The following SLC35D1 variants were observed in gnomAD, a reference collection of about 807,000 sequenced individuals.
SLC35D1 encodes nucleotide sugar transporter SLC35D1.
In SLC35D1, 31 loss-of-function variants were observed where a neutral mutation model predicts 46.7. The ratio of observed to expected loss-of-function variants is 0.66; its 90% CI spans 0.50 to 0.90. The LOEUF is 0.90. Ranked by LOEUF, SLC35D1 falls within the 40% of genes least tolerant of loss-of-function variation. SLC35D1 has a pLI of 0.00. For missense variants in SLC35D1, 397 were observed against 426.2 expected (o/e 0.93, Z 0.60); for synonymous variants, 195 against 164.6 (o/e 1.18, Z -1.41).
In SLC35D1 at chr1:67,010,444, G is replaced by A. The variant is rs78174064; in HGVS notation, c.877-1277C>T. The stretch of plus-strand genomic sequence containing the variant: ...TCCTTGGTCTCTTAAGAAAACACAT[G>A]GGAAGTCATCTCAAGATATTATACC... On this transcript the variant is annotated intron_variant, in intron 10 of 11. Transcript: ENST00000235345. Among the ~76,000 whole-genome samples, 676 of 152,226 alleles carry A rather than the reference G, an allele frequency of 4.4e-3. 3 individuals are homozygous for A. Among genetic ancestry groups the A allele is most frequent in the African/African-American group, 0.016 (644 of 41,516 alleles).
At chr1:66,985,954 G>A in the SLC35D1 span, 3 of 984,330 alleles carry the variant, frequency 3.0e-6, no homozygotes, top group East Asian at 3.4e-4. Flanking sequence ...CAAGACAAAA[G>A]TTTAATGTCA....
At chr1:66,981,533 T>G in the SLC35D1 span, among the ~76,000 whole-genome samples, 1 of 152,202 alleles carries the variant, frequency 6.6e-6, no homozygotes, top group Admixed American at 6.5e-5. Context: ...CTTTACAAGC[T>G]TTAAAATTTC....
the SLC35D1 span, among the ~76,000 whole-genome samples, chr1:66,992,956 T>C: frequency 6.6e-6 from 1 of 152,254 alleles, no homozygotes. Context: ...TTTTCCCCAA[T>C]TTACAAATAA....
chr1:67,053,595 C>A (rs1005298020), intron 1 of SLC35D1, among the ~76,000 whole-genome samples: 3 of 151,942 alleles, frequency 2.0e-5, no homozygotes, highest in South Asian at 2.1e-4. Flanking sequence ...CCGGGCCGGC[C>A]GGAGCTCCGC....
chr1:67,038,693 T>C (rs1375277361), intron 8 of SLC35D1, among the ~76,000 whole-genome samples: 1 of 152,230 alleles, frequency 6.6e-6, no homozygotes, highest in Non-Finnish European at 1.5e-5. Flanking sequence ...AAGCTGGTTT[T>C]TGCATGAGGC....
chr1:66,973,151 T>C, the SLC35D1 span, among the ~76,000 whole-genome samples: 3 of 152,118 alleles, frequency 2.0e-5, no homozygotes, highest in African/African-American at 7.2e-5. Flanking sequence ...CTGCCTATAC[T>C]TCCTAACCTA....
chr1:67,049,901 A>AT, intron 5 of SLC35D1, 51 bp from the exon 6 acceptor site: 1 of 1,312,234 alleles, frequency 7.6e-7, no homozygotes. Context: ...TCCCACACTC[A>AT]TTTTACAACA....
intron 8 of SLC35D1, among the ~76,000 whole-genome samples, chr1:67,024,299 G>GAAGAGCAAAAA (rs1280036375): frequency 1.3e-5 from 2 of 152,106 alleles, no homozygotes; most frequent in Non-Finnish European, 2.9e-5. Flanking sequence ...TGTTAATGTT[G>GAAGAGCAAAAA]ATGTAGTCTA....
chr1:67,016,447 C>T (rs569499912), intron 10 of SLC35D1, among the ~76,000 whole-genome samples: 1 of 152,102 alleles, frequency 6.6e-6, no homozygotes, highest in East Asian at 1.9e-4. Context: ...GACCATTAGA[C>T]TAGGTAAAAA....
the SLC35D1 span, chr1:66,976,728 T>C: frequency 6.4e-7 from 1 of 1,572,588 alleles, no homozygotes; most frequent in East Asian, 2.3e-5. Flanking sequence ...GTAACGTGAG[T>C]TAATTTTTTC....
intron 10 of SLC35D1, among the ~76,000 whole-genome samples, chr1:67,015,397 TG>T (rs1175946106): frequency 1.3e-5 from 2 of 152,078 alleles, no homozygotes; most frequent in African/African-American, 4.8e-5. Context: ...GAATTTTCTC[TG>T]TTTTTTTTTG....
intron 10 of SLC35D1, among the ~76,000 whole-genome samples, chr1:67,011,890 G>C (rs1257004494): frequency 1.3e-5 from 2 of 151,686 alleles, no homozygotes; most frequent in African/African-American, 4.9e-5. Flanking sequence ...CAAATTGTTT[G>C]ATTCATTTCT....
intron 10 of SLC35D1, among the ~76,000 whole-genome samples, chr1:67,018,556 C>T (rs1453341130): frequency 6.6e-6 from 1 of 152,120 alleles, no homozygotes; most frequent in Non-Finnish European, 1.5e-5. Flanking sequence ...TTAGTATACC[C>T]GACAATTGCC....
At chr1:67,024,437 A>C (rs1272572228) in intron 8 of SLC35D1, among the ~76,000 whole-genome samples, 1 of 152,152 alleles carries the variant, frequency 6.6e-6, no homozygotes, top group Non-Finnish European at 1.5e-5. Flanking sequence ...AGTTAGGTCT[A>C]TGAACCTTTT....
rs1667284874 is a variant in SLC35D1 at position 66,999,378 on chromosome 1, T to C, written c.*4962A>G. Reference sequence around the variant, plus strand: ...AGTTACAAAGGAATTTTAATACTTGTTTTCAGGAAAAAGTATTTATTTTAC... The same window carrying C: ...AGTTACAAAGGAATTTTAATACTTGCTTTCAGGAAAAAGTATTTATTTTAC... On this transcript the variant is annotated 3_prime_UTR_variant, in exon 12 of 12. Coordinates refer to ENST00000235345, the MANE Select transcript of SLC35D1 (RefSeq NM_015139.3). The C allele has an allele frequency of 6.6e-6, 1 of 152,320 alleles. No homozygotes were observed. Among genetic ancestry groups the C allele is most frequent in the Non-Finnish European group, 1.5e-5 (1 of 68,042 alleles). The allele number at this position is 152,320 out of a possible 1,614,324, so 9.4% of individuals were successfully genotyped here.
intron 8 of SLC35D1, among the ~76,000 whole-genome samples, chr1:67,038,361 T>C (rs1482056695): frequency 6.6e-6 from 1 of 152,196 alleles, no homozygotes; most frequent in Non-Finnish European, 1.5e-5. Context: ...ACCTTTCCTA[T>C]AACTCCCCTA....
At chr1:67,038,685 G>A (rs1449198791) in intron 8 of SLC35D1, among the ~76,000 whole-genome samples, 4 of 152,186 alleles carry the variant, frequency 2.6e-5, no homozygotes, top group Non-Finnish European at 4.4e-5. Flanking sequence ...TTAACAGTAA[G>A]CTGGTTTTTG....
rs536618803 is a variant in SLC35D1, at chr1:67,033,886, G to A, written c.729+8350C>T. The stretch of plus-strand genomic sequence containing the variant: ...CCAAGGCAGGAGATAGGGATCTAGC[G>A]TCATTTTTTGCATATGTACACCCGG... On this transcript the variant is annotated intron_variant, in intron 8 of 11. Coordinates refer to ENST00000235345, the MANE Select transcript of SLC35D1 (RefSeq NM_015139.3). Among the ~76,000 whole-genome samples, 25 of 152,202 alleles carry A rather than the reference G, an allele frequency of 1.6e-4. No individual in the cohort carries two copies. In the South Asian group the frequency reaches 2.1e-3, roughly 13 times the overall value.
intron 11 of SLC35D1, among the ~76,000 whole-genome samples, chr1:67,007,139 G>T (rs1667466889): frequency 6.6e-6 from 1 of 152,166 alleles, no homozygotes. Flanking sequence ...CTGACAAAAG[G>T]TAAGGTACTA....
Sources: allele counts gnomAD v4.1 joint callset (sites outside exome capture counted in the v4.1 genomes callset), GRCh38; gene constraint gnomAD v4.1.1; transcripts MANE v1.5; gene names NCBI Gene and HGNC (gene_info 2026-07-23, HGNC 2026-07-21).